The following TYR variants were observed in gnomAD, a reference collection of about 807,000 sequenced individuals.
The protein encoded by TYR is tyrosinase.
TYR carries 58 observed loss-of-function variants against 51.5 expected under a neutral mutation model. That is an observed-to-expected ratio of 1.13 (90% confidence interval 0.91 to 1.40). The LOEUF is 1.40. TYR is among the 40% of genes most tolerant of loss of function. The pLI, the probability that TYR is intolerant of heterozygous loss-of-function variation, is 0.00. For synonymous variants in TYR, 263 were observed against 235.2 expected (o/e 1.12, Z -1.08); for missense variants, 732 against 647.4 (o/e 1.13, Z -1.42).
At chr11:89,270,914 G>A (rs373025451) in intron 3 of TYR, among the ~76,000 whole-genome samples, 7 of 151,756 alleles carry the variant, frequency 4.6e-5, no homozygotes, top group East Asian at 2.0e-4. Context: ...CATTGCTTTC[G>A]GCGAATTTCC....
chr11:89,187,836 G>A (rs1591140365), intron 1 of TYR, among the ~76,000 whole-genome samples: 1 of 151,680 alleles, frequency 6.6e-6, no homozygotes, highest in Admixed American at 6.6e-5. Flanking sequence ...ATAGTGAATA[G>A]GATACAGTTT....
intron 4 of TYR, among the ~76,000 whole-genome samples, chr11:89,289,326 T>G (rs1045844208): frequency 3.3e-5 from 5 of 151,984 alleles, no homozygotes; most frequent in African/African-American, 1.2e-4. Flanking sequence ...ATTCATGAAT[T>G]TGTTCAATAG....
rs183038264 is a variant in TYR at position 89,228,585 on chromosome 11, T to A, written c.1184+615T>A. On this transcript the variant is annotated intron_variant, in intron 3 of 4. Coordinates refer to ENST00000263321, the MANE Select transcript of TYR (RefSeq NM_000372.5). ...TACATCTTTCCTTCTGGAAATTGTA[T>A]TGTTATTTCTTCTCTTTTTGAACCT... Among the ~76,000 whole-genome samples the A allele has an allele frequency of 1.4e-3, 217 of 152,318 alleles. 2 individuals are homozygous for A. Among genetic ancestry groups the A allele is most frequent in the African/African-American group, 5.1e-3 (211 of 41,586 alleles).
intron 2 of TYR, among the ~76,000 whole-genome samples, chr11:89,194,551 G>A (rs751770173): frequency 3.9e-5 from 6 of 152,082 alleles, no homozygotes; most frequent in Non-Finnish European, 7.4e-5. Flanking sequence ...AGTTGGCATC[G>A]TCGATGGTTA....
intron 3 of TYR, among the ~76,000 whole-genome samples, chr11:89,282,335 G>T (rs964935215): frequency 2.0e-5 from 3 of 151,572 alleles, no homozygotes; most frequent in African/African-American, 7.3e-5. Flanking sequence ...GTGGTGGAGG[G>T]ATTATCAGAC....
At chr11:89,217,672 T>A (rs578107451) in intron 2 of TYR, among the ~76,000 whole-genome samples, 1 of 152,222 alleles carries the variant, frequency 6.6e-6, no homozygotes, top group Non-Finnish European at 1.5e-5. Context: ...TTCGTTGTTT[T>A]ATTTTTCCCT....
chr11:89,202,548 T>C (rs949968352), intron 2 of TYR, among the ~76,000 whole-genome samples: 1 of 151,770 alleles, frequency 6.6e-6, no homozygotes, highest in Admixed American at 6.6e-5. Flanking sequence ...GTTTTACATA[T>C]ACGCCAATTT....
chr11:89,233,842 A>T (rs568142670), intron 3 of TYR, among the ~76,000 whole-genome samples: 1 of 130,198 alleles, frequency 7.7e-6, no homozygotes, highest in Non-Finnish European at 1.6e-5. Context: ...TAAACAACAA[A>T]GGCAGAGTAG....
chr11:89,206,846 T>C lies in TYR; in HGVS notation c.1036+15428T>C, dbSNP rs773755183. Among the ~76,000 whole-genome samples, 101 of 151,958 alleles carry C rather than the reference T, an allele frequency of 6.6e-4. 2 individuals carry two copies. The highest frequency in any genetic ancestry group is 7.9e-4 in the Admixed American group (12 of 15,236). On this transcript the variant is annotated intron_variant, in intron 2 of 4. Transcript: ENST00000263321. ...CATGAGGGAAAGATCTTCAAACACT[T>C]AGAAACTAAACAAAGCACTTCTAAA...
intron 2 of TYR, among the ~76,000 whole-genome samples, chr11:89,198,771 T>TATATATATATATATATATATATATATA (rs1565394780): frequency 3.2e-5 from 4 of 123,362 alleles, no homozygotes; most frequent in African/African-American, 1.8e-4. Flanking sequence ...ATATATATAT[T>TATATATATATATATATATATATATATA]TTTATACTTT....
At chr11:89,214,195 C>T (rs1178451272) in intron 2 of TYR, among the ~76,000 whole-genome samples, 2 of 150,770 alleles carry the variant, frequency 1.3e-5, no homozygotes, top group African/African-American at 4.8e-5. Context: ...TGACAAAGGG[C>T]TAATGTCCAT....
chr11:89,222,357 A>T (rs1467333039), intron 2 of TYR, among the ~76,000 whole-genome samples: 1 of 152,182 alleles, frequency 6.6e-6, no homozygotes, highest in Non-Finnish European at 1.5e-5. Flanking sequence ...ATGAGAGCTA[A>T]GCATCAATAT....
At chr11:89,281,113 C>A (rs1378438289) in intron 3 of TYR, among the ~76,000 whole-genome samples, 1 of 151,628 alleles carries the variant, frequency 6.6e-6, no homozygotes, top group Non-Finnish European at 1.5e-5. Flanking sequence ...CACAATACAG[C>A]TTTTTCTTCT....
rs377327087 is a variant in TYR, at chr11:89,181,089, G to A, written c.819+2317G>A. Among the ~76,000 whole-genome samples the A allele has an allele frequency of 5.3e-5, 8 of 152,038 alleles. No homozygotes were observed. In the South Asian group the frequency reaches 1.2e-3, roughly 24 times the overall value. The stretch of plus-strand genomic sequence containing the variant: ...TTTGGCAGTGGTGCAATCTCCATAC[G>A]CTGCAACTTCCGCCTCCCAGGTTCA... On this transcript the variant is annotated intron_variant, in intron 1 of 4. Coordinates refer to ENST00000263321, the MANE Select transcript of TYR (RefSeq NM_000372.5).
intron 3 of TYR, among the ~76,000 whole-genome samples, chr11:89,280,482 T>A (rs1433015046): frequency 6.6e-6 from 1 of 151,602 alleles, no homozygotes; most frequent in African/African-American, 2.4e-5. Flanking sequence ...TTTCTTTCAA[T>A]TTTTTCTTAG....
At chr11:89,231,324 A>ACAATTACCATGGTCAC (rs1474486827) in intron 3 of TYR, among the ~76,000 whole-genome samples, 1 of 145,812 alleles carries the variant, frequency 6.9e-6, no homozygotes, top group Admixed American at 6.8e-5. Flanking sequence ...ATGTATCGAA[A>ACAATTACCATGGTCAC]GGGAAATATA....
intron 1 of TYR, among the ~76,000 whole-genome samples, chr11:89,183,663 G>T (rs1465591252): frequency 6.6e-6 from 1 of 152,012 alleles, no homozygotes; most frequent in Non-Finnish European, 1.5e-5. Flanking sequence ...TTACTGTGAA[G>T]GGATTCAATA....
chr11:89,255,162 T>A (rs1944375255), intron 3 of TYR, among the ~76,000 whole-genome samples: 1 of 151,818 alleles, frequency 6.6e-6, no homozygotes, highest in Admixed American at 6.6e-5. Flanking sequence ...TTTATTCCAC[T>A]GTGGTCTGAG....
intron 3 of TYR, among the ~76,000 whole-genome samples, chr11:89,232,017 T>C (rs1479675754): frequency 2.8e-5 from 4 of 141,000 alleles, no homozygotes; most frequent in Non-Finnish European, 6.0e-5. Flanking sequence ...TTAAGAGATC[T>C]GTTGTACAGC....
Sources: allele counts gnomAD v4.1 joint callset (sites outside exome capture counted in the v4.1 genomes callset), GRCh38; gene constraint gnomAD v4.1.1; transcripts MANE v1.5; gene names NCBI Gene and HGNC (gene_info 2026-07-23, HGNC 2026-07-21).